SGCZ: variants seen among roughly 807,000 people sequenced by gnomAD.
SGCZ encodes sarcoglycan zeta.
Under a neutral mutation model 41.3 loss-of-function variants are expected in SGCZ, and 40 were observed. The observed-to-expected ratio is 0.97, with a 90% CI of 0.75 to 1.26. SGCZ has a LOEUF of 1.26. Ranked by LOEUF, SGCZ falls within the 50% of genes most tolerant of loss-of-function variation. The probability of loss-of-function intolerance (pLI) is 0.00; values close to 1 mark genes in which losing one functional copy is unlikely to be tolerated. For missense variants in SGCZ, 552 were observed against 369.8 expected, an observed-to-expected ratio of 1.49 and a Z score of -4.04; for synonymous variants, 206 against 137.5, an observed-to-expected ratio of 1.50 and a Z score of -3.49.
At chr8:14,653,070 C>A (rs1212839865) in intron 1 of SGCZ, among the ~76,000 whole-genome samples, 2 of 152,100 alleles carry the variant, frequency 1.3e-5, no homozygotes, top group African/African-American at 4.8e-5. Flanking sequence ...AACATAAAAT[C>A]CTCTATGTCT....
At chr8:14,848,192 T>C (rs989079199) in intron 1 of SGCZ, among the ~76,000 whole-genome samples, 1 of 152,060 alleles carries the variant, frequency 6.6e-6, no homozygotes, top group Non-Finnish European at 1.5e-5. Context: ...TATAAAACAT[T>C]GTTTAGAGAA....
At chr8:15,122,199 T>C (rs985782053) in intron 1 of SGCZ, among the ~76,000 whole-genome samples, 7 of 147,690 alleles carry the variant, frequency 4.7e-5, no homozygotes, top group African/African-American at 1.8e-4. Flanking sequence ...TAATCTGCAA[T>C]GGGTATGAAG....
At chr8:14,535,791 G>C (rs763143520) in intron 2 of SGCZ, among the ~76,000 whole-genome samples, 1 of 151,754 alleles carries the variant, frequency 6.6e-6, no homozygotes, top group Non-Finnish European at 1.5e-5. Flanking sequence ...TAGGGTTGTA[G>C]GGAAACAAAG....
intron 1 of SGCZ, among the ~76,000 whole-genome samples, chr8:14,577,264 C>G (rs1040208159): frequency 2.6e-5 from 4 of 151,978 alleles, no homozygotes; most frequent in Admixed American, 2.6e-4. Context: ...TGTTTTTCTG[C>G]TCGAATACAA....
Position 14,957,459 on chromosome 8 carries a change from G to A in SGCZ, c.39+280126C>T, listed in dbSNP as rs143977183. On this transcript the variant is annotated intron_variant, in intron 1 of 7. Transcript: ENST00000382080. The stretch of plus-strand genomic sequence containing the variant: ...CCATTCGTTGTCACTTGGTCTTACC[G>A]ATTCTCAAAAAATAGATTTTGACAT... Among the ~76,000 whole-genome samples, 705 of 151,876 alleles carry A rather than the reference G, an allele frequency of 4.6e-3. 4 individuals carry two copies. Among genetic ancestry groups the A allele is most frequent in the African/African-American group, 0.016 (656 of 41,454 alleles).
At chr8:14,393,605 G>C (rs553274721) in intron 2 of SGCZ, among the ~76,000 whole-genome samples, 1 of 152,030 alleles carries the variant, frequency 6.6e-6, no homozygotes, top group African/African-American at 2.4e-5. Context: ...CCATCAGCTG[G>C]TCCTTTCCAC....
At chr8:14,150,581 A>C (rs1198745293) in intron 5 of SGCZ, among the ~76,000 whole-genome samples, 1 of 152,170 alleles carries the variant, frequency 6.6e-6, no homozygotes, top group African/African-American at 2.4e-5. Context: ...GGGAATGTAA[A>C]TTAGTAAAAC....
At chr8:14,971,703 A>G (rs6987734) in intron 1 of SGCZ, among the ~76,000 whole-genome samples, 89,905 of 144,290 alleles carry the variant, frequency 0.62, 29,782 homozygotes, top group African/African-American at 0.86. Flanking sequence ...AGGCTGGAGC[A>G]CAGTGGCACG....
intron 2 of SGCZ, among the ~76,000 whole-genome samples, chr8:14,519,216 T>C (rs1477392058): frequency 1.3e-5 from 2 of 152,140 alleles, no homozygotes; most frequent in Non-Finnish European, 2.9e-5. Flanking sequence ...ATTTGATTCT[T>C]GCTGCTCTGG....
chr8:15,019,671 G>C (rs1257096213), intron 1 of SGCZ, among the ~76,000 whole-genome samples: 2 of 151,622 alleles, frequency 1.3e-5, no homozygotes, highest in African/African-American at 2.4e-5. Context: ...TCTGAGAGCA[G>C]TGCAGTCACA....
chr8:14,619,317 A>G (rs1281813597), intron 1 of SGCZ, among the ~76,000 whole-genome samples: 2 of 152,128 alleles, frequency 1.3e-5, no homozygotes, highest in Non-Finnish European at 2.9e-5. Flanking sequence ...TCTATGACAA[A>G]CCCACAGCCA....
intron 1 of SGCZ, among the ~76,000 whole-genome samples, chr8:15,126,873 C>A (rs1807710553): frequency 6.6e-6 from 1 of 152,104 alleles, no homozygotes; most frequent in South Asian, 2.1e-4. Context: ...CTTTGGACTG[C>A]ATCTTGTGGG....
At chr8:14,919,769 T>G (rs1394176784) in intron 1 of SGCZ, among the ~76,000 whole-genome samples, 2 of 151,956 alleles carry the variant, frequency 1.3e-5, no homozygotes, top group East Asian at 3.9e-4. Flanking sequence ...AATACAAAAA[T>G]TAGCCAGGCA....
At chr8:14,779,463 C>T (rs1187960035) in intron 1 of SGCZ, among the ~76,000 whole-genome samples, 2 of 152,170 alleles carry the variant, frequency 1.3e-5, no homozygotes, top group African/African-American at 2.4e-5. Flanking sequence ...GCCATCCGAC[C>T]CTAACCTCAT....
intron 3 of SGCZ, among the ~76,000 whole-genome samples, chr8:14,282,850 T>A (rs1800492909): frequency 1.8e-5 from 2 of 109,420 alleles, no homozygotes; most frequent in East Asian, 4.6e-4. Flanking sequence ...TCAAATACTT[T>A]TTTTTTTTTT....
At chr8:14,936,368 T>G (rs562439099) in intron 1 of SGCZ, among the ~76,000 whole-genome samples, 1 of 152,052 alleles carries the variant, frequency 6.6e-6, no homozygotes, top group East Asian at 1.9e-4. Context: ...CTCAGAATAC[T>G]TTGCTCACGG....
At chr8:14,208,577 A>C (rs1398164341) in intron 4 of SGCZ, among the ~76,000 whole-genome samples, 1 of 152,218 alleles carries the variant, frequency 6.6e-6, no homozygotes, top group African/African-American at 2.4e-5. Context: ...GTGTTTATGA[A>C]ACAAACTCAA....
At chr8:14,273,567 A>C (rs1408482863) in intron 3 of SGCZ, among the ~76,000 whole-genome samples, 2 of 152,142 alleles carry the variant, frequency 1.3e-5, no homozygotes, top group African/African-American at 4.8e-5. Flanking sequence ...TATTAAGCAA[A>C]ATGTTTAACT....
Position 14,541,268 on chromosome 8 carries a change from A to G in SGCZ, c.234+13464T>C, listed in dbSNP as rs150881476. On this transcript the variant is annotated intron_variant, in intron 2 of 7. Transcript: ENST00000382080. ...GATCTAGGTTTTAAGCTCTGCATGC[A>G]TTAGGTATTTGTCCTAATGCTCTCC... Among the ~76,000 whole-genome samples the G allele has an allele frequency of 5.5e-4, 83 of 152,068 alleles. No individual in the cohort carries two copies. The East Asian group carries it at 0.014, about 26-fold the overall frequency.
Sources: gnomAD v4.1 joint callset for allele counts (sites outside exome capture counted in the v4.1 genomes callset) on GRCh38, gnomAD v4.1.1 for gene constraint, MANE v1.5 for transcripts, NCBI Gene and HGNC (gene_info 2026-07-23, HGNC 2026-07-21) for gene names.